EEA1: variants seen among roughly 807,000 people sequenced by gnomAD.
EEA1 encodes the protein early endosome antigen 1, 162kD.
EEA1 carries 111 observed loss-of-function variants against 209.2 expected under a neutral mutation model. The observed-to-expected ratio is 0.53, with a 90% CI of 0.45 to 0.62. The LOEUF is 0.62. EEA1 is among the 20% of genes least tolerant of loss of function. The probability of loss-of-function intolerance (pLI) is 0.00; values close to 1 mark genes in which losing one functional copy is unlikely to be tolerated. For synonymous variants in EEA1, 536 were observed against 540.6 expected, an observed-to-expected ratio of 0.99 and a Z score of 0.12; for missense variants, 1,343 against 1,530.8, an observed-to-expected ratio of 0.88 and a Z score of 2.05.
rs1449737523 is a variant in EEA1, at chr12:92,772,051, G to T, written c.*3960C>A. On this transcript the variant is annotated 3_prime_UTR_variant, in exon 29 of 29. Transcript: ENST00000322349. The stretch of plus-strand genomic sequence containing the variant: ...CACATTCGAATGAAGGGATCACGGG[G>T]GTCAGAACAAAAACCATTCTAGAAC... The T allele has an allele frequency of 6.6e-6, 1 of 151,316 alleles. No homozygotes were observed. The highest frequency in any genetic ancestry group is 1.9e-4 in the East Asian group (1 of 5,160). The allele number at this position is 151,316 out of a possible 1,614,324, so 9.4% of individuals were successfully genotyped here. A position where few individuals can be genotyped will look rare whatever the true frequency, so the allele number is the denominator to read the frequency against.
At chr12:92,799,582 C>T (rs528337824) in intron 20 of EEA1, among the ~76,000 whole-genome samples, 1 of 151,732 alleles carries the variant, frequency 6.6e-6, no homozygotes, top group Non-Finnish European at 1.5e-5. Context: ...GTCAGGAGAT[C>T]GAGACCATCC....
chr12:92,804,867 G>C (rs968610600), intron 18 of EEA1, among the ~76,000 whole-genome samples: 1 of 152,086 alleles, frequency 6.6e-6, no homozygotes, highest in Non-Finnish European at 1.5e-5. Context: ...TGATATAAGA[G>C]CAGAAGGGAC....
rs1250916474 is a variant in EEA1, at chr12:92,857,426, C to T, written c.300+5G>A. ...ATAAAAAGGTATAACAATTTTTATT[C>T]TTACCTTAAGTGAAGCCTGTAGGTC... On this transcript the variant is annotated splice_donor_5th_base_variant and intron_variant, in intron 4 of 28. Transcript: ENST00000322349. 2 of 1,592,344 alleles carry T rather than the reference C, an allele frequency of 1.3e-6. No homozygotes were observed. Among genetic ancestry groups the T allele is most frequent in the East Asian group, 2.2e-5 (1 of 44,480 alleles).
At chr12:92,833,483 A>C (rs569988558) in intron 10 of EEA1, among the ~76,000 whole-genome samples, 2 of 152,298 alleles carry the variant, frequency 1.3e-5, no homozygotes, top group African/African-American at 2.4e-5. Flanking sequence ...TTCTAATCAA[A>C]GACCTGGATC....
chr12:92,880,813 G>A (rs924028911), intron 2 of EEA1, among the ~76,000 whole-genome samples: 1 of 152,060 alleles, frequency 6.6e-6, no homozygotes, highest in Non-Finnish European at 1.5e-5. Flanking sequence ...CAGAAAAAAT[G>A]GCATAGATGC....
chr12:92,840,795 A>G (rs1237995570), intron 10 of EEA1, among the ~76,000 whole-genome samples: 1 of 152,168 alleles, frequency 6.6e-6, no homozygotes, highest in Non-Finnish European at 1.5e-5. Flanking sequence ...CCAGAAATAA[A>G]CCTTTGCATA....
Position 92,929,219 on chromosome 12 carries a change from C to T in EEA1, c.-153G>A. Reference sequence around the variant, plus strand: ...GGTGGCGACGGCCGCTCGGGCGGCCCCGACTTCCCCACAGGCGGCGAGAGG... The same window carrying T: ...GGTGGCGACGGCCGCTCGGGCGGCCTCGACTTCCCCACAGGCGGCGAGAGG... On this transcript the variant is annotated 5_prime_UTR_variant, in exon 1 of 29. Transcript: ENST00000322349. The T allele has an allele frequency of 3.0e-6, 2 of 660,324 alleles. No individual in the cohort carries two copies. The highest frequency in any genetic ancestry group is 4.8e-6 in the Non-Finnish European group (2 of 414,008). The allele number at this position is 660,324 out of a possible 1,614,324, so 40.9% of individuals were successfully genotyped here. A position where few individuals can be genotyped will look rare whatever the true frequency, so the allele number is the denominator to read the frequency against.
Position 92,802,729 on chromosome 12 carries a change from G to A in EEA1, c.2345C>T (p.Ser782Phe). The change falls in exon 19 of 29, where the codon TCC (serine) becomes TTC (phenylalanine). Residue 782 changes from serine (S) to phenylalanine (F), a missense_variant. By Grantham distance (155) the Ser-to-Phe change is radical. Coordinates refer to ENST00000322349, the MANE Select transcript of EEA1 (RefSeq NM_003566.4). Reference sequence around the variant, plus strand: ...TTTCTGTAGATCCAATCTTGTACTGGATACTCTAAATATTTAAAAAACAAT... The same window carrying A: ...TTTCTGTAGATCCAATCTTGTACTGAATACTCTAAATATTTAAAAAACAAT... ...KQLEMEKEIV[S>F]STRLDLQKKS... 6.4e-7 allele frequency: 1 copy of A among 1,561,824 alleles called. No homozygotes were observed. Among genetic ancestry groups the A allele is most frequent in the Non-Finnish European group, 8.6e-7 (1 of 1,162,822 alleles).
At chr12:92,877,794 C>G (rs369614840) in intron 2 of EEA1, among the ~76,000 whole-genome samples, 1 of 152,152 alleles carries the variant, frequency 6.6e-6, no homozygotes, top group Non-Finnish European at 1.5e-5. Flanking sequence ...TGAGCCACCA[C>G]GCCTGGCCTA....
Position 92,804,571 on chromosome 12 carries a change from CAAAAA to C in EEA1, c.2340-1842_2340-1838del, listed in dbSNP as rs1195692496. On this transcript the variant is annotated intron_variant, in intron 18 of 28. Transcript: ENST00000322349. The stretch of plus-strand genomic sequence containing the variant: ...TGGGCGACAGAGTGAGACTCTGTCT[CAAAAA>C]AAAAAAAAAAAAAAAAAATCAGTAA... Among the ~76,000 whole-genome samples the C allele has an allele frequency of 9.2e-3, 441 of 47,710 alleles. 3 individuals are homozygous for C. The highest frequency in any genetic ancestry group is 0.028 in the African/African-American group (413 of 14,636). 31.3% of individuals were successfully genotyped at this position (47,710 alleles called of 152,430 possible).
At chr12:92,904,029 C>G (rs1880265139) in intron 1 of EEA1, among the ~76,000 whole-genome samples, 1 of 151,682 alleles carries the variant, frequency 6.6e-6, no homozygotes. Flanking sequence ...ATGGTGCAAT[C>G]TCAGCTCACC....
rs937026147 is a variant in EEA1, at chr12:92,853,029, CAA to C, written c.407-6_407-5del. Reference sequence around the variant, plus strand: ...TGCTGTTCCAAAGACTGTAGTTCTACAAAAAAGTGTCGCAGTTATTCAAATAC... The same window carrying C: ...TGCTGTTCCAAAGACTGTAGTTCTACAAAAGTGTCGCAGTTATTCAAATAC... On this transcript the variant is annotated splice_region_variant and splice_polypyrimidine_tract_variant and intron_variant, in intron 6 of 28. Transcript: ENST00000322349. The C allele has an allele frequency of 5.8e-6, 9 of 1,563,920 alleles. No homozygotes were observed. In the African/African-American group the frequency reaches 1.2e-4, roughly 21 times the overall value.
chr12:92,820,280 G>C (rs1875982669), intron 13 of EEA1, among the ~76,000 whole-genome samples: 1 of 152,056 alleles, frequency 6.6e-6, no homozygotes, highest in African/African-American at 2.4e-5. Flanking sequence ...CATCGATATA[G>C]CAAGAGATCC....
At chr12:92,863,320 A>G (rs1878230191) in intron 3 of EEA1, among the ~76,000 whole-genome samples, 1 of 152,258 alleles carries the variant, frequency 6.6e-6, no homozygotes, top group Admixed American at 6.5e-5. Flanking sequence ...GAATGGCAGA[A>G]GTGATGCTCT....
intron 3 of EEA1, chr12:92,858,372 G>C: frequency 3.0e-6 from 3 of 992,920 alleles, no homozygotes; most frequent in South Asian, 1.3e-5. Context: ...TTCTTCCAAA[G>C]GGTTTGACTA....
chr12:92,854,043 C>A, intron 5 of EEA1, 89 bp from the exon 6 acceptor site: 1 of 1,034,930 alleles, frequency 9.7e-7, no homozygotes, highest in Non-Finnish European at 1.4e-6. Context: ...CTCTGAAAGT[C>A]ACTTTCTTTC....
chr12:92,910,475 A>T (rs575567552), intron 1 of EEA1, among the ~76,000 whole-genome samples: 13 of 151,792 alleles, frequency 8.6e-5, no homozygotes, highest in East Asian at 1.9e-4. Context: ...TCTCAAAAAA[A>T]AATAAATAAA....
intron 10 of EEA1, among the ~76,000 whole-genome samples, chr12:92,838,896 T>C (rs1877042847): frequency 6.6e-6 from 1 of 152,150 alleles, no homozygotes; most frequent in Admixed American, 6.5e-5. Flanking sequence ...GATTGAGTTA[T>C]ACTGAACTAG....
intron 13 of EEA1, among the ~76,000 whole-genome samples, chr12:92,825,244 G>T (rs926232213): frequency 1.3e-5 from 2 of 152,136 alleles, no homozygotes; most frequent in Admixed American, 1.3e-4. Context: ...GAGGTCAGGA[G>T]ATCGAGACCA....
Sources: gnomAD v4.1 joint callset for allele counts (sites outside exome capture counted in the v4.1 genomes callset) on GRCh38, gnomAD v4.1.1 for gene constraint, MANE v1.5 for transcripts, NCBI Gene and HGNC (gene_info 2026-07-23, HGNC 2026-07-21) for gene names.